MNAT1: variants seen among roughly 807,000 people sequenced by gnomAD.
MNAT1 encodes MNAT1 component of CDK activating kinase, also known as CDK-activating kinase assembly factor MAT1.
In MNAT1, 43 loss-of-function variants were observed where a neutral mutation model predicts 42.0. The ratio of observed to expected loss-of-function variants is 1.02; its 90% CI spans 0.80 to 1.32. MNAT1 has a LOEUF of 1.32. MNAT1 is among the 40% of genes most tolerant of loss of function. The pLI is 0.00. For synonymous variants in MNAT1, 118 were observed against 120.0 expected (o/e 0.98, Z 0.11); for missense variants, 306 against 350.4 (o/e 0.87, Z 1.01).
intron 4 of MNAT1, among the ~76,000 whole-genome samples, chr14:60,809,619 T>A (rs912854076): frequency 2.6e-5 from 4 of 152,146 alleles, no homozygotes; most frequent in African/African-American, 9.6e-5. Context: ...TGTATTGATA[T>A]GATTATGTGA....
intron 7 of MNAT1, among the ~76,000 whole-genome samples, chr14:60,909,405 A>G (rs530077953): frequency 6.6e-6 from 1 of 152,248 alleles, no homozygotes; most frequent in East Asian, 1.9e-4. Context: ...GCCCATGCCT[A>G]TGTCCTGAAT....
At chr14:60,917,323 T>A (rs538432403) in intron 7 of MNAT1, among the ~76,000 whole-genome samples, 27 of 152,336 alleles carry the variant, frequency 1.8e-4, no homozygotes, top group African/African-American at 6.5e-4. Context: ...GTCATTCCTA[T>A]TTATTATCTA....
intron 6 of MNAT1, among the ~76,000 whole-genome samples, chr14:60,833,704 A>T (rs2033290374): frequency 6.6e-6 from 1 of 152,102 alleles, no homozygotes; most frequent in Non-Finnish European, 1.5e-5. Flanking sequence ...TGGGTTAGGG[A>T]GGAGTGCCTT....
At chr14:60,761,256 T>C (rs2030587312) in intron 1 of MNAT1, among the ~76,000 whole-genome samples, 1 of 152,184 alleles carries the variant, frequency 6.6e-6, no homozygotes, top group South Asian at 2.1e-4. Flanking sequence ...TACCAGATTC[T>C]AGGAATAGTC....
chr14:60,780,881 A>G (rs544083941), intron 1 of MNAT1, among the ~76,000 whole-genome samples: 1 of 152,186 alleles, frequency 6.6e-6, no homozygotes, highest in Non-Finnish European at 1.5e-5. Flanking sequence ...GTAACTGTAG[A>G]TGGAAAAACT....
At chr14:60,843,565 C>T (rs150846188) in intron 6 of MNAT1, among the ~76,000 whole-genome samples, 55 of 152,178 alleles carry the variant, frequency 3.6e-4, no homozygotes, top group East Asian at 1.9e-4. Flanking sequence ...CCACTGCGTC[C>T]GGCCTCGTTT....
intron 1 of MNAT1, among the ~76,000 whole-genome samples, chr14:60,735,879 GT>G (rs2140279174): frequency 6.6e-6 from 1 of 152,332 alleles, no homozygotes; most frequent in Non-Finnish European, 1.5e-5. Flanking sequence ...TATTCCTGTA[GT>G]TTCTTTCAGG....
intron 7 of MNAT1, among the ~76,000 whole-genome samples, chr14:60,943,722 G>A (rs2036220860): frequency 6.6e-6 from 1 of 151,974 alleles, no homozygotes; most frequent in Non-Finnish European, 1.5e-5. Flanking sequence ...GGGCACCCAT[G>A]CCTAATTTAA....
At chr14:60,784,583 C>G (rs890938001) in intron 1 of MNAT1, among the ~76,000 whole-genome samples, 5 of 151,876 alleles carry the variant, frequency 3.3e-5, no homozygotes, top group African/African-American at 1.2e-4. Context: ...CGGGTTCAAG[C>G]AGGTCTCCTG....
At chr14:60,965,935 GTTAA>G (rs1324485836) in intron 7 of MNAT1, among the ~76,000 whole-genome samples, 1 of 152,132 alleles carries the variant, frequency 6.6e-6, no homozygotes, top group Non-Finnish European at 1.5e-5. Flanking sequence ...GTGAAGCCAG[GTTAA>G]TTTTTAGACC....
rs184200864 is a variant in MNAT1 at position 60,814,053 on chromosome 14, G to A, written c.561+1926G>A. ...TGATAGATTGTTTATATGGCTTTAAGCTAACTGACTAAAATACATTGTTTC... is the reference window on the plus strand; with the variant it reads ...TGATAGATTGTTTATATGGCTTTAAACTAACTGACTAAAATACATTGTTTC... On this transcript the variant is annotated intron_variant, in intron 5 of 7. Coordinates refer to ENST00000261245, the MANE Select transcript of MNAT1 (RefSeq NM_002431.4). 2.4e-3 allele frequency among the ~76,000 whole-genome samples: 362 copies of A among 152,150 alleles called. 1 individual carries two copies. The highest frequency in any genetic ancestry group is 8.5e-3 in the African/African-American group (353 of 41,520).
At position 60,888,245 on chromosome 14, in the gene MNAT1, C is replaced by A. The variant is rs1170399730; in HGVS notation, c.809+8410C>A. Among the ~76,000 whole-genome samples the A allele has an allele frequency of 1.3e-5, 2 of 150,172 alleles. 1 individual carries two copies. The highest frequency in any genetic ancestry group is 4.3e-4 in the South Asian group (2 of 4,672). On this transcript the variant is annotated intron_variant, in intron 7 of 7. Transcript: ENST00000261245. ...TCCAGCAGCACATCAAAAAGCTTAT[C>A]CACCATGATCAAGTGGGCTTCATCC...
intron 1 of MNAT1, among the ~76,000 whole-genome samples, chr14:60,736,027 A>G (rs1242906972): frequency 2.0e-5 from 3 of 152,236 alleles, no homozygotes; most frequent in Admixed American, 1.3e-4. Context: ...AGCTGTAGCT[A>G]TAATTATTAT....
chr14:60,747,090 ATTC>A (rs1896659560), intron 1 of MNAT1, among the ~76,000 whole-genome samples: 1 of 145,140 alleles, frequency 6.9e-6, no homozygotes, highest in Non-Finnish European at 1.5e-5. Flanking sequence ...GGTTCACGCC[ATTC>A]TTCTGCCTCA....
chr14:60,965,012 C>T (rs1160098112), intron 7 of MNAT1, among the ~76,000 whole-genome samples: 4 of 152,046 alleles, frequency 2.6e-5, no homozygotes, highest in African/African-American at 9.7e-5. Context: ...TGTAGGTTGC[C>T]GTGGTGAAAA....
chr14:60,926,636 G>A (rs1468520041), intron 7 of MNAT1, among the ~76,000 whole-genome samples: 2 of 152,128 alleles, frequency 1.3e-5, no homozygotes, highest in East Asian at 3.9e-4. Flanking sequence ...GAGCTTCCAT[G>A]CCCTCTGACA....
intron 4 of MNAT1, among the ~76,000 whole-genome samples, chr14:60,809,410 T>C (rs1165798530): frequency 6.6e-6 from 1 of 152,114 alleles, no homozygotes; most frequent in Non-Finnish European, 1.5e-5. Context: ...TTTAAAAGTA[T>C]CTTATTTCTG....
intron 1 of MNAT1, among the ~76,000 whole-genome samples, chr14:60,755,507 G>C (rs1392285233): frequency 6.6e-6 from 1 of 152,092 alleles, no homozygotes; most frequent in Non-Finnish European, 1.5e-5. Context: ...GAACTCTTAG[G>C]CTCAAGCCAT....
chr14:60,898,437 T>C (rs1446117394), intron 7 of MNAT1, among the ~76,000 whole-genome samples: 1 of 152,178 alleles, frequency 6.6e-6, no homozygotes, highest in Non-Finnish European at 1.5e-5. Flanking sequence ...ATTTTTTGTC[T>C]TTTTAATAAT....
Sources: gnomAD v4.1 joint callset for allele counts (sites outside exome capture counted in the v4.1 genomes callset) on GRCh38, gnomAD v4.1.1 for gene constraint, MANE v1.5 for transcripts, NCBI Gene and HGNC (gene_info 2026-07-23, HGNC 2026-07-21) for gene names.